ITPR1: variants seen among roughly 807,000 people sequenced by gnomAD.
ITPR1 encodes the protein inositol 1,4,5-trisphosphate-gated calcium channel ITPR1.
ITPR1 carries 96 observed loss-of-function variants against 318.4 expected under a neutral mutation model. The ratio of observed to expected loss-of-function variants is 0.30; its 90% CI spans 0.26 to 0.36. The LOEUF (loss-of-function observed/expected upper bound fraction) is 0.36, where lower values mean the gene tolerates loss of function less well. ITPR1 is among the 10% of genes least tolerant of loss of function. ITPR1 has a pLI of 1.00. For synonymous variants in ITPR1, 1,312 were observed against 1,289.9 expected (o/e 1.02, Z -0.37); for missense variants, 2,440 against 3,460.2 (o/e 0.71, Z 7.40).
chr3:4,727,375 A>T (rs1158312157), intron 42 of ITPR1, among the ~76,000 whole-genome samples: 1 of 150,372 alleles, frequency 6.7e-6, no homozygotes, highest in Non-Finnish European at 1.5e-5. Context: ...GAGCACTGTA[A>T]CCAGCTGGCC....
At chr3:4,797,535 C>G (rs60119629) in intron 53 of ITPR1, among the ~76,000 whole-genome samples, 20 of 152,242 alleles carry the variant, frequency 1.3e-4, no homozygotes, top group African/African-American at 4.8e-4. Flanking sequence ...AAAGTATCAC[C>G]GCCCCTCCAC....
intron 3 of ITPR1, among the ~76,000 whole-genome samples, chr3:4,519,441 G>A (rs1471898187): frequency 1.3e-5 from 2 of 152,082 alleles, no homozygotes; most frequent in Non-Finnish European, 2.9e-5. Context: ...TGGCCAGAAT[G>A]GTCTCAATCT....
At chr3:4,831,884 T>TAAAC (rs887950327) in intron 60 of ITPR1, among the ~76,000 whole-genome samples, 1 of 152,240 alleles carries the variant, frequency 6.6e-6, no homozygotes, top group African/African-American at 2.4e-5. Context: ...GGTTATAGTC[T>TAAAC]AAACATTTGC....
At chr3:4,520,451 C>T (rs2124926185) in intron 3 of ITPR1, among the ~76,000 whole-genome samples, 1 of 152,286 alleles carries the variant, frequency 6.6e-6, no homozygotes, top group Admixed American at 6.5e-5. Flanking sequence ...GAAACGCTCC[C>T]CTCTAGCCTC....
intron 35 of ITPR1, among the ~76,000 whole-genome samples, chr3:4,701,061 T>C (rs6765702): frequency 0.34 from 50,989 of 152,084 alleles, 9,043 homozygotes; most frequent in Non-Finnish European, 0.38. Flanking sequence ...CACAGTCAAA[T>C]CATATCCCAC....
chr3:4,635,516 A>AT (rs551817210), intron 5 of ITPR1, among the ~76,000 whole-genome samples: 2,355 of 146,782 alleles, frequency 0.016, 61 homozygotes, highest in African/African-American at 0.048. Context: ...AATTTTTTGT[A>AT]TTTTTTTTTT....
intron 4 of ITPR1, among the ~76,000 whole-genome samples, chr3:4,613,574 C>T (rs999713294): frequency 2.0e-5 from 3 of 152,130 alleles, no homozygotes; most frequent in East Asian, 1.9e-4. Context: ...TAAGGGGAGT[C>T]GGTGATGTCA....
At chr3:4,638,792 A>C (rs1014534604) in intron 5 of ITPR1, among the ~76,000 whole-genome samples, 1 of 152,178 alleles carries the variant, frequency 6.6e-6, no homozygotes, top group African/African-American at 2.4e-5. Flanking sequence ...AATGATTATA[A>C]AATTGATTAC....
At chr3:4,822,271 G>A (rs905897138) in intron 60 of ITPR1, among the ~76,000 whole-genome samples, 6 of 152,314 alleles carry the variant, frequency 3.9e-5, no homozygotes, top group African/African-American at 9.6e-5. Flanking sequence ...GGAAGCAGGG[G>A]CTGCGGGGCT....
chr3:4,505,428 A>G (rs2081330771), intron 2 of ITPR1, among the ~76,000 whole-genome samples: 1 of 152,188 alleles, frequency 6.6e-6, no homozygotes. Flanking sequence ...CCTGACCTCA[A>G]GTGATCCACC....
At chr3:4,563,474 A>C (rs1472879557) in intron 4 of ITPR1, among the ~76,000 whole-genome samples, 1 of 152,086 alleles carries the variant, frequency 6.6e-6, no homozygotes, top group African/African-American at 2.4e-5. Context: ...ATACCACTGC[A>C]CTCCAGCCTG....
At chr3:4,522,787 C>G (rs1450249923) in intron 4 of ITPR1, among the ~76,000 whole-genome samples, 2 of 152,258 alleles carry the variant, frequency 1.3e-5, no homozygotes, top group Non-Finnish European at 2.9e-5. Flanking sequence ...GCTAAGCACT[C>G]TGCCTGCATT....
intron 10 of ITPR1, 58 bp downstream of exon 10, chr3:4,645,786 GCTCTCT>G: frequency 1.0e-6 from 1 of 965,102 alleles, no homozygotes; most frequent in South Asian, 1.6e-5. Flanking sequence ...CTGTATATAG[GCTCTCT>G]CTCTCTCTAT....
At chr3:4,748,960 G>C (rs2044304633) in intron 44 of ITPR1, among the ~76,000 whole-genome samples, 1 of 152,196 alleles carries the variant, frequency 6.6e-6, no homozygotes. Context: ...CCTCCGCGGG[G>C]ATTTAGAAGA....
chr3:4,657,938 C>T lies in ITPR1; in HGVS notation c.997-186C>T, dbSNP rs200318187. 4.9e-4 allele frequency among the ~76,000 whole-genome samples: 74 copies of T among 152,288 alleles called. No homozygotes were observed. In the East Asian group the frequency reaches 0.01, roughly 22 times the overall value. ...TTTATTGCAACACAAAGAGGTAGAG[C>T]GTAAATATCCCTGGCTGCATGGCCA... On this transcript the variant is annotated intron_variant, in intron 12 of 61. Coordinates refer to ENST00000649015, the MANE Select transcript of ITPR1 (RefSeq NM_001378452.1).
intron 2 of ITPR1, among the ~76,000 whole-genome samples, chr3:4,513,324 C>T (rs1376204329): frequency 1.3e-5 from 2 of 152,216 alleles, no homozygotes; most frequent in Non-Finnish European, 1.5e-5. Flanking sequence ...CCATCTCCTT[C>T]CTCCACTTCA....
chr3:4,706,947 A>G (rs955664213), intron 37 of ITPR1, among the ~76,000 whole-genome samples: 9 of 152,204 alleles, frequency 5.9e-5, no homozygotes, highest in Non-Finnish European at 1.2e-4. Context: ...ATGCTCTCAC[A>G]GGTAGTACAT....
chr3:4,708,469 AGTTCT>A, intron 37 of ITPR1, among the ~76,000 whole-genome samples: 1 of 152,314 alleles, frequency 6.6e-6, no homozygotes, highest in East Asian at 1.9e-4. Flanking sequence ...TAACACAACC[AGTTCT>A]TAAATAACAA....
chr3:4,716,930 G>A (rs763958830), intron 39 of ITPR1, among the ~76,000 whole-genome samples: 1 of 152,108 alleles, frequency 6.6e-6, no homozygotes, highest in African/African-American at 2.4e-5. Context: ...TCTGACCCCC[G>A]ACTGAGTCAT....
Sources: allele counts gnomAD v4.1 joint callset (sites outside exome capture counted in the v4.1 genomes callset), GRCh38; gene constraint gnomAD v4.1.1; transcripts MANE v1.5; gene names NCBI Gene and HGNC (gene_info 2026-07-23, HGNC 2026-07-21).